Variants in NFIB observed in about 807,000 individuals in gnomAD.
The protein encoded by NFIB is nuclear factor I B.
A neutral mutation model predicts 61.5 loss-of-function variants in NFIB; 11 were observed. The ratio of observed to expected loss-of-function variants is 0.18; its 90% CI spans 0.11 to 0.30. The LOEUF (loss-of-function observed/expected upper bound fraction) is 0.30, where lower values mean the gene tolerates loss of function less well. NFIB is among the 10% of genes least tolerant of loss of function. The probability of loss-of-function intolerance (pLI) is 1.00; values close to 1 mark genes in which losing one functional copy is unlikely to be tolerated. For missense variants in NFIB, 471 were observed against 608.9 expected (o/e 0.77, Z 2.38); for synonymous variants, 260 against 216.5 (o/e 1.20, Z -1.76).
intron 2 of NFIB, among the ~76,000 whole-genome samples, chr9:14,249,403 A>G (rs1001664189): frequency 2.0e-5 from 3 of 152,130 alleles, no homozygotes; most frequent in African/African-American, 7.2e-5. Flanking sequence ...TATTTATAAG[A>G]TCCCTTTGTT....
intron 6 of NFIB, among the ~76,000 whole-genome samples, chr9:14,133,118 C>G (rs2040595055): frequency 6.6e-6 from 1 of 152,122 alleles, no homozygotes; most frequent in Non-Finnish European, 1.5e-5. Context: ...CAAGTTGATA[C>G]ACCCTCATAA....
At chr9:14,325,909 CTA>C (rs1265927464) in intron 1 of NFIB, among the ~76,000 whole-genome samples, 1 of 151,952 alleles carries the variant, frequency 6.6e-6, no homozygotes, top group Non-Finnish European at 1.5e-5. Flanking sequence ...AATTGGATAA[CTA>C]TTTTTAGAAT....
At chr9:14,233,665 G>C (rs1481217245) in intron 2 of NFIB, among the ~76,000 whole-genome samples, 1 of 151,964 alleles carries the variant, frequency 6.6e-6, no homozygotes, top group Non-Finnish European at 1.5e-5. Flanking sequence ...CCTGACCTCA[G>C]GTGATCCACT....
At chr9:14,160,626 T>C (rs1181399631) in intron 3 of NFIB, among the ~76,000 whole-genome samples, 4 of 151,986 alleles carry the variant, frequency 2.6e-5, no homozygotes, top group African/African-American at 9.7e-5. Flanking sequence ...TTTGCAAAGG[T>C]AGCATAACCA....
chr9:14,126,820 A>G (rs994926119), intron 6 of NFIB, among the ~76,000 whole-genome samples: 2 of 152,350 alleles, frequency 1.3e-5, no homozygotes, highest in Non-Finnish European at 2.9e-5. Context: ...GAAATCATGA[A>G]GACCACTTCA....
rs571771744 is a variant in NFIB at position 14,168,064 on chromosome 9, G to C, written c.616+11663C>G. 5.9e-5 allele frequency among the ~76,000 whole-genome samples: 9 copies of C among 152,284 alleles called. 1 individual carries two copies. In the South Asian group the frequency reaches 1.7e-3, roughly 28 times the overall value. ...AAAATATTCCAAATAATCATGTCTA[G>C]GATGTGGTATACCTACAGGGCATAA... On this transcript the variant is annotated intron_variant, in intron 3 of 10. Transcript: ENST00000380953.
chr9:14,294,701 A>G (rs979403146), intron 2 of NFIB, among the ~76,000 whole-genome samples: 2 of 152,214 alleles, frequency 1.3e-5, no homozygotes, highest in African/African-American at 2.4e-5. Flanking sequence ...TAACTAATGG[A>G]CAAACAGTGA....
At chr9:14,505,966 A>T in the NFIB span, among the ~76,000 whole-genome samples, 1 of 152,220 alleles carries the variant, frequency 6.6e-6, no homozygotes. Context: ...TCTTTCTATT[A>T]TCTCTACAGA....
In NFIB at chr9:14,141,507, A is replaced by G. The variant is rs370838787; in HGVS notation, c.925+5182T>C. Among the ~76,000 whole-genome samples the G allele has an allele frequency of 1.2e-4, 18 of 152,286 alleles. No individual in the cohort carries two copies. The East Asian group carries it at 3.1e-3, about 26-fold the overall frequency. ...TCTAAAGCATGGAGTCGGTTCTCTC[A>G]TAATCTTATTTATTTTAGTCCCCGA... On this transcript the variant is annotated intron_variant, in intron 6 of 10. Transcript: ENST00000380953.
At chr9:14,509,594 G>A in the NFIB span, among the ~76,000 whole-genome samples, 24 of 152,228 alleles carry the variant, frequency 1.6e-4, no homozygotes, top group Admixed American at 9.8e-4. Context: ...GGGAGCAAAC[G>A]TATCAACAGT....
chr9:14,486,615 T>C, the NFIB span, among the ~76,000 whole-genome samples: 1 of 152,022 alleles, frequency 6.6e-6, no homozygotes, highest in Non-Finnish European at 1.5e-5. Context: ...GAGAAGGAAT[T>C]TGGTTGGATA....
the NFIB span, among the ~76,000 whole-genome samples, chr9:14,419,929 T>A: frequency 6.6e-6 from 1 of 152,182 alleles, no homozygotes; most frequent in East Asian, 1.9e-4. Context: ...AACTACAACA[T>A]TCTTGTTTTG....
intron 1 of NFIB, among the ~76,000 whole-genome samples, chr9:14,353,289 G>C (rs1053111714): frequency 6.6e-6 from 1 of 152,096 alleles, no homozygotes; most frequent in African/African-American, 2.4e-5. Context: ...GGATATTAGA[G>C]GATAGATGTG....
rs1717950188 is a variant in NFIB at position 14,326,010 on chromosome 9, A to G, written c.109-18490T>C. On this transcript the variant is annotated intron_variant, in intron 1 of 8. Coordinates refer to the NFIB transcript ENST00000380934. The stretch of plus-strand genomic sequence containing the variant: ...CAATAGTTTTAAATATTTCCTAATT[A>G]TATAAAAATAGGGAGGCTTAAATTA... Among the ~76,000 whole-genome samples the G allele has an allele frequency of 3.3e-5, 5 of 152,332 alleles. No homozygotes were observed. The South Asian group carries it at 8.3e-4, about 25-fold the overall frequency.
At chr9:14,295,453 C>T (rs112518482) in intron 2 of NFIB, among the ~76,000 whole-genome samples, 3 of 151,828 alleles carry the variant, frequency 2.0e-5, no homozygotes, top group African/African-American at 4.8e-5. Context: ...TGTGAAACCC[C>T]GTCTCTACTA....
chr9:14,531,383 C>T, the NFIB span, among the ~76,000 whole-genome samples: 16 of 152,224 alleles, frequency 1.1e-4, no homozygotes, highest in Non-Finnish European at 1.8e-4. Flanking sequence ...AATTTAATTA[C>T]GCTGAGTGGC....
At chr9:14,377,806 C>T (rs2061437370) in intron 1 of NFIB, among the ~76,000 whole-genome samples, 1 of 152,158 alleles carries the variant, frequency 6.6e-6, no homozygotes, top group Non-Finnish European at 1.5e-5. Flanking sequence ...CTCTTCTTTT[C>T]TTTGGGAAGA....
At chr9:14,180,589 T>C (rs987898901) in intron 2 of NFIB, 25 of 152,270 alleles carry the variant, frequency 1.6e-4, no homozygotes, top group African/African-American at 6.0e-4. Flanking sequence ...TGTGTTTTGC[T>C]CACTCCTCTT....
intron 10 of NFIB, among the ~76,000 whole-genome samples, chr9:14,112,713 G>A (rs1264535492): frequency 6.6e-6 from 1 of 152,152 alleles, no homozygotes; most frequent in East Asian, 1.9e-4. Flanking sequence ...GTTCTCAATA[G>A]CCAATGAGAC....
Sources: gnomAD v4.1 joint callset for allele counts (sites outside exome capture counted in the v4.1 genomes callset) on GRCh38, gnomAD v4.1.1 for gene constraint, MANE v1.5 for transcripts, NCBI Gene and HGNC (gene_info 2026-07-23, HGNC 2026-07-21) for gene names.